Variants in SH3PXD2A observed in about 807,000 individuals in gnomAD.
The protein encoded by SH3PXD2A is SH3 and PX domain-containing protein 2A.
SH3PXD2A carries 32 observed loss-of-function variants against 115.2 expected under a neutral mutation model. That is an observed-to-expected ratio of 0.28 (90% confidence interval 0.21 to 0.37). The LOEUF (loss-of-function observed/expected upper bound fraction) is 0.37. SH3PXD2A is among the 10% of genes least tolerant of loss of function. The pLI is 1.00. For synonymous variants in SH3PXD2A, 610 were observed against 629.1 expected, an observed-to-expected ratio of 0.97 and a Z score of 0.45; for missense variants, 1,328 against 1,498.7, an observed-to-expected ratio of 0.89 and a Z score of 1.88.
rs146591056 is a variant in SH3PXD2A, at chr10:103,613,013, G to T, written c.1098C>A (p.Gly366=). The T allele has an allele frequency of 1.3e-4, 216 of 1,614,224 alleles. No individual in the cohort carries two copies. The Middle Eastern group carries it at 1.5e-3, about 11-fold the overall frequency. ...SGDKETPPAE[G]EGHEAPIAKK... ...TGGCAATGGGGGCCTCATGGCCCTC[G>T]CCTTCGGCTGGTGGAGTTTCCTTGT... The change falls in exon 12 of 15, where the codon GGC becomes GGA. Residue 366 remains glycine (G), a synonymous_variant. Coordinates refer to ENST00000369774, the MANE Select transcript of SH3PXD2A (RefSeq NM_001394015.1).
intron 2 of SH3PXD2A, among the ~76,000 whole-genome samples, chr10:103,800,811 G>A (rs561374225): frequency 4.6e-5 from 7 of 152,172 alleles, no homozygotes; most frequent in South Asian, 2.1e-4. Flanking sequence ...TGCCTCATTC[G>A]GTCAGACAGA....
chr10:103,777,752 G>A (rs1011120715), intron 2 of SH3PXD2A, among the ~76,000 whole-genome samples: 2 of 152,172 alleles, frequency 1.3e-5, no homozygotes, highest in African/African-American at 4.8e-5. Context: ...GAGAGAAAGA[G>A]CACTAGGTTG....
intron 6 of SH3PXD2A, among the ~76,000 whole-genome samples, chr10:103,684,271 C>T (rs2037647125): frequency 6.6e-6 from 1 of 152,172 alleles, no homozygotes; most frequent in Admixed American, 6.5e-5. Flanking sequence ...CCAGGTTCTG[C>T]CCACCCCATA....
intron 11 of SH3PXD2A, among the ~76,000 whole-genome samples, chr10:103,616,571 T>C (rs1231983471): frequency 6.6e-6 from 1 of 152,194 alleles, no homozygotes; most frequent in Non-Finnish European, 1.5e-5. Flanking sequence ...CGCTGGGAAC[T>C]GTGATTAGGC....
In SH3PXD2A at chr10:103,601,081, T is replaced by C. The variant is rs1321542685; in HGVS notation, c.*735A>G. ...GAGACCGGTGGCTTCGCCCACCCTCTCTGTAAACTCTGGTACTGTGTCCTC... is the reference window on the plus strand; with the variant it reads ...GAGACCGGTGGCTTCGCCCACCCTCCCTGTAAACTCTGGTACTGTGTCCTC... On this transcript the variant is annotated 3_prime_UTR_variant, in exon 15 of 15. Transcript: ENST00000369774. 1 of 152,220 alleles carries C rather than the reference T, an allele frequency of 6.6e-6. No homozygotes were observed. Among genetic ancestry groups the C allele is most frequent in the Non-Finnish European group, 1.5e-5 (1 of 68,042 alleles). The allele number at this position is 152,220 out of a possible 1,614,324, so 9.4% of individuals were successfully genotyped here.
intron 1 of SH3PXD2A, among the ~76,000 whole-genome samples, chr10:103,841,654 C>G (rs185002149): frequency 6.6e-6 from 1 of 152,252 alleles, no homozygotes; most frequent in East Asian, 1.9e-4. Flanking sequence ...ACCTGCTGCT[C>G]TCCCCTCTCT....
intron 5 of SH3PXD2A, chr10:103,693,477 A>T (rs2037786972): frequency 6.6e-6 from 1 of 151,186 alleles, no homozygotes; most frequent in Non-Finnish European, 1.5e-5. Flanking sequence ...GGAGCGGTTC[A>T]CCTCCCAATT....
intron 2 of SH3PXD2A, among the ~76,000 whole-genome samples, chr10:103,787,098 A>G (rs1024532397): frequency 6.6e-6 from 1 of 152,170 alleles, no homozygotes; most frequent in Admixed American, 6.5e-5. Flanking sequence ...AGCCTATCTG[A>G]ACTCCAGACA....
chr10:103,690,052 C>A (rs1274076470), intron 6 of SH3PXD2A, among the ~76,000 whole-genome samples: 1 of 152,180 alleles, frequency 6.6e-6, no homozygotes, highest in Non-Finnish European at 1.5e-5. Flanking sequence ...TAAACATGGA[C>A]TCCAATCCTC....
intron 14 of SH3PXD2A, among the ~76,000 whole-genome samples, chr10:103,605,318 C>T (rs1459228414): frequency 6.6e-6 from 1 of 152,180 alleles, no homozygotes; most frequent in Non-Finnish European, 1.5e-5. Context: ...GTGGCTTCTG[C>T]AGGATCCTGG....
In SH3PXD2A at chr10:103,660,966, T is replaced by C. The variant is rs1487569110; in HGVS notation, c.604+17A>G. ...AGACCGGAACCCCAGTGGACGGCCA[T>C]TGGCCAGGGCACTCACCGCTCTCGT... On this transcript the variant is annotated intron_variant, in intron 8 of 14. Coordinates refer to ENST00000369774, the MANE Select transcript of SH3PXD2A (RefSeq NM_001394015.1). 2.5e-6 allele frequency: 4 copies of C among 1,613,120 alleles called. No homozygotes were observed. The highest frequency in any genetic ancestry group is 1.3e-5 in the African/African-American group (1 of 74,992).
At chr10:103,791,219 G>C (rs2039032126) in intron 2 of SH3PXD2A, among the ~76,000 whole-genome samples, 1 of 152,206 alleles carries the variant, frequency 6.6e-6, no homozygotes, top group African/African-American at 2.4e-5. Flanking sequence ...AGAGGCTGGG[G>C]GTGCAGCAAA....
At chr10:103,774,453 A>T (rs942549983) in intron 2 of SH3PXD2A, among the ~76,000 whole-genome samples, 2 of 152,164 alleles carry the variant, frequency 1.3e-5, no homozygotes, top group African/African-American at 2.4e-5. Flanking sequence ...TAATCATTAA[A>T]TCCATATTTT....
At chr10:103,693,709 G>A (rs1322368823) in intron 5 of SH3PXD2A, 1 of 152,386 alleles carries the variant, frequency 6.6e-6, no homozygotes, top group Non-Finnish European at 1.5e-5. Flanking sequence ...TGCACGCCCC[G>A]AGAATGGCAG....
intron 2 of SH3PXD2A, among the ~76,000 whole-genome samples, chr10:103,769,657 C>T (rs564656856): frequency 6.6e-6 from 1 of 152,184 alleles, no homozygotes; most frequent in East Asian, 1.9e-4. Context: ...GTCTCGAACT[C>T]CTGGCCTCAA....
At chr10:103,678,182 G>A in intron 6 of SH3PXD2A, 1 of 1,287,618 alleles carries the variant, frequency 7.8e-7, no homozygotes, top group East Asian at 5.5e-5. Context: ...GCAGGGCTTG[G>A]TGCAGCCTCC....
chr10:103,718,335 G>A (rs143792188), intron 5 of SH3PXD2A, among the ~76,000 whole-genome samples: 2,441 of 152,276 alleles, frequency 0.016, 39 homozygotes, highest in South Asian at 0.036. Context: ...GTCTTTATCT[G>A]CCTTCTTTGG....
At chr10:103,757,649 C>T (rs944620814) in intron 3 of SH3PXD2A, among the ~76,000 whole-genome samples, 4 of 152,150 alleles carry the variant, frequency 2.6e-5, no homozygotes, top group African/African-American at 4.8e-5. Context: ...AAGCCCCTTG[C>T]GTGGCTGACC....
rs561528080 is a variant in SH3PXD2A at position 103,767,822 on chromosome 10, T to G, written c.154-653A>C. 1.3e-3 allele frequency among the ~76,000 whole-genome samples: 197 copies of G among 149,020 alleles called. 2 individuals carry two copies. Among genetic ancestry groups the G allele is most frequent in the African/African-American group, 4.7e-3 (190 of 40,626 alleles). ...GAACAACTGTTTTGTTTTTTTTTTT[T>G]TTTTTTTTTTTTGCTATTCTGGACT... On this transcript the variant is annotated intron_variant, in intron 2 of 14. Coordinates refer to ENST00000369774, the MANE Select transcript of SH3PXD2A (RefSeq NM_001394015.1).
Sources: gnomAD v4.1 joint callset for allele counts (sites outside exome capture counted in the v4.1 genomes callset) on GRCh38, gnomAD v4.1.1 for gene constraint, MANE v1.5 for transcripts, NCBI Gene and HGNC (gene_info 2026-07-23, HGNC 2026-07-21) for gene names.